STXBP5L: variants seen among roughly 807,000 people sequenced by gnomAD.
STXBP5L encodes the protein syntaxin-binding protein 5-like.
STXBP5L carries 65 observed loss-of-function variants against 144.5 expected under a neutral mutation model. That is an observed-to-expected ratio of 0.45 (90% CI 0.37 to 0.55). The LOEUF (loss-of-function observed/expected upper bound fraction) is 0.55. Among genes scored for constraint, STXBP5L ranks in the 20% least tolerant of loss-of-function variants. STXBP5L has a pLI of 0.00. For missense variants in STXBP5L, 1,298 were observed against 1,405.5 expected (o/e 0.92, Z 1.22); for synonymous variants, 505 against 469.6 (o/e 1.08, Z -0.97).
At chr3:121,233,557 T>G in intron 11 of STXBP5L, 59 bp from the exon 12 acceptor site, 3 of 1,308,892 alleles carry the variant, frequency 2.3e-6, no homozygotes, top group Non-Finnish European at 3.2e-6. Context: ...AAATGCAATT[T>G]TGCTGATTTT....
At position 121,255,051 on chromosome 3, in the gene STXBP5L, G is replaced by T. The variant is rs760010389; in HGVS notation, c.1598G>T (p.Gly533Val). 1.9e-6 allele frequency: 3 copies of T among 1,612,906 alleles called. No homozygotes were observed. In the African/African-American group the frequency reaches 4.0e-5, roughly 22 times the overall value. ...CPESRIFCVS[G>V]VSAYVIIYKF... is the part of the protein sequence containing the mutation. ...GAGAGCAGAATATTCTGTGTATCAG[G>T]AGTCTCTGCATATGTCATAATTTAT... The change falls in exon 16 of 27, where the codon GGA becomes GTA. Residue 533 changes from glycine to valine, a missense_variant. Coordinates refer to ENST00000471454, the MANE Select transcript of STXBP5L (RefSeq NM_001308330.2).
chr3:121,185,730 A>C (rs1364337467), intron 9 of STXBP5L, among the ~76,000 whole-genome samples: 1 of 152,144 alleles, frequency 6.6e-6, no homozygotes, highest in East Asian at 1.9e-4. Context: ...GTCAGGTAGC[A>C]TGATGCCTCC....
intron 20 of STXBP5L, among the ~76,000 whole-genome samples, chr3:121,348,535 AC>A (rs1469940039): frequency 6.6e-6 from 1 of 151,930 alleles, no homozygotes; most frequent in Non-Finnish European, 1.5e-5. Flanking sequence ...AGGAATGGTA[AC>A]AGCTCCTCCT....
intron 20 of STXBP5L, among the ~76,000 whole-genome samples, chr3:121,326,134 A>C (rs186117444): frequency 6.6e-6 from 1 of 152,176 alleles, no homozygotes; most frequent in Non-Finnish European, 1.5e-5. Context: ...TGGACTCATT[A>C]ACATTGTCCA....
At chr3:120,914,426 C>T (rs537742273) in intron 2 of STXBP5L, among the ~76,000 whole-genome samples, 1 of 152,076 alleles carries the variant, frequency 6.6e-6, no homozygotes, top group South Asian at 2.1e-4. Context: ...GGATTTATAA[C>T]AATGATGCTC....
At chr3:121,289,515 A>G (rs529095139) in intron 19 of STXBP5L, among the ~76,000 whole-genome samples, 7 of 152,298 alleles carry the variant, frequency 4.6e-5, no homozygotes, top group African/African-American at 1.7e-4. Flanking sequence ...GTCAACAAAG[A>G]AACAATGGAC....
intron 15 of STXBP5L, 145 bp downstream of exon 15, chr3:121,250,908 A>T (rs1264754267): frequency 3.2e-6 from 2 of 630,842 alleles, no homozygotes; most frequent in Non-Finnish European, 5.6e-6. Context: ...TATTACCTAC[A>T]CTGTTAGATC....
At chr3:120,928,933 G>T (rs1576433150) in intron 2 of STXBP5L, among the ~76,000 whole-genome samples, 1 of 152,080 alleles carries the variant, frequency 6.6e-6, no homozygotes, top group Admixed American at 6.5e-5. Context: ...AGATTTTGCT[G>T]TGGCAAAACC....
chr3:120,969,732 T>C (rs575178014), intron 3 of STXBP5L, among the ~76,000 whole-genome samples: 1 of 152,020 alleles, frequency 6.6e-6, no homozygotes, highest in Non-Finnish European at 1.5e-5. Flanking sequence ...AAGTGAGAGA[T>C]GGAGATCCAG....
At chr3:121,348,600 G>A (rs1220981032) in intron 20 of STXBP5L, among the ~76,000 whole-genome samples, 1 of 151,902 alleles carries the variant, frequency 6.6e-6, no homozygotes, top group Admixed American at 6.6e-5. Context: ...ACTTTTTTTG[G>A]TTGGTAAGCT....
At chr3:121,299,890 A>T (rs1270245190) in intron 19 of STXBP5L, among the ~76,000 whole-genome samples, 1 of 148,094 alleles carries the variant, frequency 6.8e-6, no homozygotes, top group African/African-American at 2.5e-5. Context: ...CTGAGGTTGG[A>T]GGATTGCTTG....
chr3:121,010,870 A>G (rs1944723061), intron 3 of STXBP5L, among the ~76,000 whole-genome samples: 1 of 151,608 alleles, frequency 6.6e-6, no homozygotes, highest in Non-Finnish European at 1.5e-5. Context: ...TGAGAAGGAG[A>G]TGGAAGAGAA....
chr3:121,216,412 G>T (rs1370388606), intron 10 of STXBP5L, among the ~76,000 whole-genome samples: 1 of 152,130 alleles, frequency 6.6e-6, no homozygotes, highest in Non-Finnish European at 1.5e-5. Context: ...CTTTCTGTTT[G>T]TCAGTTTTCC....
In STXBP5L at chr3:121,381,310, T is replaced by A. The variant is rs1560040626; in HGVS notation, c.2365T>A (p.Tyr789Asn). Reference sequence around the variant, plus strand: ...TTCCATAGAAAACCGAGAAAATTCCTATAATCGTTCTAGAAGCTCTAGTAT... The same window carrying A: ...TTCCATAGAAAACCGAGAAAATTCCAATAATCGTTCTAGAAGCTCTAGTAT... Reference protein sequence around the residue: ...VTTEENRENSYNRSRSSSISS... With the variant: ...VTTEENRENSNNRSRSSSISS... Residue 789 changes from tyrosine (Y) to asparagine (N), a missense_variant, in exon 22 of 27, where the codon TAT becomes AAT. Transcript: ENST00000471454. The A allele has an allele frequency of 1.3e-6, 2 of 1,584,070 alleles. No individual in the cohort carries two copies. Among genetic ancestry groups the A allele is most frequent in the East Asian group, 4.5e-5 (2 of 44,534 alleles).
intron 3 of STXBP5L, among the ~76,000 whole-genome samples, chr3:120,965,551 A>G (rs531899918): frequency 2.0e-5 from 3 of 152,318 alleles, no homozygotes; most frequent in South Asian, 2.1e-4. Flanking sequence ...GTTTGGCTGG[A>G]TATGATATTC....
intron 22 of STXBP5L, among the ~76,000 whole-genome samples, chr3:121,397,685 G>C (rs1212644520): frequency 6.6e-6 from 1 of 152,110 alleles, no homozygotes; most frequent in Non-Finnish European, 1.5e-5. Context: ...GACTTTAAGG[G>C]CTATATAATT....
chr3:121,163,259 A>G (rs1030365354), intron 9 of STXBP5L, among the ~76,000 whole-genome samples: 1 of 152,224 alleles, frequency 6.6e-6, no homozygotes, highest in African/African-American at 2.4e-5. Flanking sequence ...GAATGAGTTC[A>G]TGTCCTTTGT....
At chr3:121,042,204 A>G (rs1485868815) in intron 4 of STXBP5L, among the ~76,000 whole-genome samples, 1 of 152,082 alleles carries the variant, frequency 6.6e-6, no homozygotes, top group African/African-American at 2.4e-5. Context: ...TTTTATCTGC[A>G]TATATCTCCA....
At chr3:121,121,193 T>C (rs1457337561) in intron 6 of STXBP5L, among the ~76,000 whole-genome samples, 1 of 151,298 alleles carries the variant, frequency 6.6e-6, no homozygotes, top group Non-Finnish European at 1.5e-5. Context: ...CACTGTACTT[T>C]TCTTTAGGGG....
Sources: gnomAD v4.1 joint callset for allele counts (sites outside exome capture counted in the v4.1 genomes callset) on GRCh38, gnomAD v4.1.1 for gene constraint, MANE v1.5 for transcripts, NCBI Gene and HGNC (gene_info 2026-07-23, HGNC 2026-07-21) for gene names.